NPY2R: variants seen among roughly 807,000 people sequenced by gnomAD.
The protein encoded by NPY2R is neuropeptide Y receptor Y2, also known as neuropeptide Y receptor type 2.
A neutral mutation model predicts 22.3 loss-of-function variants in NPY2R; 17 were observed. The observed-to-expected ratio is 0.76, with a 90% CI of 0.52 to 1.14. The LOEUF is 1.14. Among genes scored for constraint, NPY2R ranks in the 50% most tolerant of loss-of-function variants. The pLI, the probability that NPY2R is intolerant of heterozygous loss-of-function variation, is 0.00. For synonymous variants in NPY2R, 209 were observed against 183.4 expected (o/e 1.14, Z -1.13); for missense variants, 424 against 467.9 (o/e 0.91, Z 0.87).
chr4:155,186,833 G>A, the NPY2R span, among the ~76,000 whole-genome samples: 1 of 152,070 alleles, frequency 6.6e-6, no homozygotes, highest in Admixed American at 6.6e-5. Flanking sequence ...TTCAAGTAAT[G>A]TGATTTATCT....
the NPY2R span, among the ~76,000 whole-genome samples, chr4:155,186,264 A>G: frequency 5.9e-5 from 9 of 152,304 alleles, no homozygotes; most frequent in African/African-American, 2.2e-4. Flanking sequence ...TTGTGACTCA[A>G]TTTAGTTTAA....
the NPY2R span, among the ~76,000 whole-genome samples, chr4:155,200,249 A>T: frequency 6.6e-6 from 1 of 152,292 alleles, no homozygotes; most frequent in Non-Finnish European, 1.5e-5. Context: ...TATGGGGAAA[A>T]AAAGCTCAAC....
At chr4:155,193,979 CAAAG>C in the NPY2R span, among the ~76,000 whole-genome samples, 8 of 151,900 alleles carry the variant, frequency 5.3e-5, no homozygotes, top group African/African-American at 9.7e-5. Context: ...CTACAAGTGT[CAAAG>C]AGAGACACAC....
the NPY2R span, among the ~76,000 whole-genome samples, chr4:155,201,995 A>T: frequency 3.9e-5 from 6 of 152,292 alleles, no homozygotes; most frequent in Non-Finnish European, 8.8e-5. Flanking sequence ...TTTATCAATT[A>T]AATAGATCTT....
upstream of NPY2R, among the ~76,000 whole-genome samples, chr4:155,204,912 T>G (rs920714885): frequency 6.6e-6 from 1 of 151,640 alleles, no homozygotes; most frequent in Admixed American, 6.6e-5. Context: ...CCCCTGCATA[T>G]GCCAAAATCC....
chr4:155,173,802 T>G, the NPY2R span: 2 of 152,058 alleles, frequency 1.3e-5, no homozygotes, highest in Non-Finnish European at 2.9e-5. Context: ...AACAGGTAAC[T>G]AAATGTGTTT....
At chr4:155,174,476 ATATATATAT>A in the NPY2R span, among the ~76,000 whole-genome samples, 4 of 88,492 alleles carry the variant, frequency 4.5e-5, no homozygotes, top group African/African-American at 1.8e-4. Flanking sequence ...ATATATATAT[ATATATATAT>A]TTTTTTTTTT....
chr4:155,181,705 G>A, the NPY2R span, among the ~76,000 whole-genome samples: 2 of 152,146 alleles, frequency 1.3e-5, no homozygotes, highest in African/African-American at 4.8e-5. Flanking sequence ...CACTGAATCT[G>A]CTGGCACCTT....
upstream of NPY2R, among the ~76,000 whole-genome samples, chr4:155,203,640 G>T (rs1358835791): frequency 6.6e-6 from 1 of 152,020 alleles, no homozygotes; most frequent in Non-Finnish European, 1.5e-5. Context: ...ATGACCTATT[G>T]AGAATCTATA....
At chr4:155,203,547 A>T in the NPY2R span, among the ~76,000 whole-genome samples, 3,062 of 152,256 alleles carry the variant, frequency 0.02, 116 homozygotes, top group African/African-American at 0.069. Flanking sequence ...AGCCCCAATT[A>T]TATCTGTTCA....
chr4:155,174,485 T>TATATATATATATATATATATATATA, the NPY2R span, among the ~76,000 whole-genome samples: 149 of 41,528 alleles, frequency 3.6e-3, no homozygotes, highest in African/African-American at 0.011. Context: ...TATATATATA[T>TATATATATATATATATATATATATA]TTTTTTTTTT....
the NPY2R span, among the ~76,000 whole-genome samples, chr4:155,175,890 C>T: frequency 3.3e-5 from 5 of 152,150 alleles, no homozygotes; most frequent in African/African-American, 1.2e-4. Flanking sequence ...GTCACACACA[C>T]CTGGGAAGGG....
At chr4:155,178,647 G>T in the NPY2R span, among the ~76,000 whole-genome samples, 1 of 152,124 alleles carries the variant, frequency 6.6e-6, no homozygotes, top group Non-Finnish European at 1.5e-5. Flanking sequence ...TATTTCAGTT[G>T]TTCATATATT....
chr4:155,205,385 G>A (rs12650629), upstream of NPY2R, among the ~76,000 whole-genome samples: 46,938 of 151,980 alleles, frequency 0.31, 7,500 homozygotes, highest in East Asian at 0.52. Context: ...CGTGGGGGAA[G>A]CATCTTTGCT....
chr4:155,176,816 T>C, the NPY2R span, among the ~76,000 whole-genome samples: 1 of 152,118 alleles, frequency 6.6e-6, no homozygotes, highest in South Asian at 2.1e-4. Context: ...CCAGTGTCCC[T>C]TCCAAAATGG....
At chr4:155,179,599 G>A in the NPY2R span, among the ~76,000 whole-genome samples, 53 of 152,236 alleles carry the variant, frequency 3.5e-4, no homozygotes, top group African/African-American at 1.2e-3. Flanking sequence ...TATATTTTCT[G>A]CCCCGGTATG....
At chr4:155,204,254 C>A (rs892309082), upstream of NPY2R, among the ~76,000 whole-genome samples, 1 of 151,702 alleles carries the variant, frequency 6.6e-6, no homozygotes, top group Admixed American at 6.6e-5. Context: ...AAACAGGAAA[C>A]CCTGGAATCC....
At chr4:155,207,652 A>G (rs979599881), upstream of NPY2R, 3 of 152,208 alleles carry the variant, frequency 2.0e-5, no homozygotes, top group African/African-American at 7.2e-5. Flanking sequence ...TGTCTCCACT[A>G]TCCTGTTTTG....
At chr4:155,193,998 C>T in the NPY2R span, among the ~76,000 whole-genome samples, 1 of 151,874 alleles carries the variant, frequency 6.6e-6, no homozygotes, top group Non-Finnish European at 1.5e-5. Context: ...ACACACAGGA[C>T]TAAGAGCTCT....
Sources: allele counts gnomAD v4.1 joint callset (sites outside exome capture counted in the v4.1 genomes callset), GRCh38; gene constraint gnomAD v4.1.1; transcripts MANE v1.5; gene names NCBI Gene and HGNC (gene_info 2026-07-23, HGNC 2026-07-21).